The following NTSR1 variants were observed in gnomAD, a reference collection of about 807,000 sequenced individuals.
NTSR1 encodes the protein neurotensin receptor type 1.
In NTSR1, 29 loss-of-function variants were observed where a neutral mutation model predicts 31.2. The ratio of observed to expected loss-of-function variants is 0.93; its 90% CI spans 0.69 to 1.27. The LOEUF (loss-of-function observed/expected upper bound fraction) is 1.27, where lower values mean the gene tolerates loss of function less well. Ranked by LOEUF, NTSR1 falls within the 50% of genes most tolerant of loss-of-function variation. The pLI is 0.00. For synonymous variants in NTSR1, 282 were observed against 269.9 expected (o/e 1.04, Z -0.44); for missense variants, 697 against 595.4 (o/e 1.17, Z -1.78).
Position 62,754,805 on chromosome 20 carries a change from G to A in NTSR1, c.835G>A (p.Val279Ile), listed in dbSNP as rs772506905. 6.2e-7 allele frequency: 1 copy of A among 1,610,904 alleles called. No homozygotes were observed. Among genetic ancestry groups the A allele is most frequent in the Admixed American group, 1.7e-5 (1 of 59,988 alleles). The change falls in exon 2 of 4, where the codon GTC becomes ATC. Residue 279 changes from valine to isoleucine, a missense_variant. By Grantham distance (29) the Val-to-Ile change is conservative. Coordinates refer to ENST00000370501, the MANE Select transcript of NTSR1 (RefSeq NM_002531.3). Reference protein sequence around the residue: ...QAAEQGQVCTVGGEHSTFSMA... With the variant: ...QAAEQGQVCTIGGEHSTFSMA... ...GGCCGAGCAGGGCCAAGTGTGCACG[G>A]TCGGGGGCGAGCACAGCACATTCAG...
At chr20:62,756,604 T>G (rs1202106212) in intron 2 of NTSR1, 1 of 152,256 alleles carries the variant, frequency 6.6e-6, no homozygotes, top group East Asian at 1.9e-4. Context: ...CCTTCCCTGC[T>G]CATGGGAACC....
At chr20:62,740,780 T>G (rs1275698580) in intron 1 of NTSR1, among the ~76,000 whole-genome samples, 2 of 152,146 alleles carry the variant, frequency 1.3e-5, no homozygotes, top group Non-Finnish European at 2.9e-5. Flanking sequence ...TTTAAAGCCC[T>G]GTCGTGCTTC....
At chr20:62,727,553 G>A (rs528992332) in intron 1 of NTSR1, among the ~76,000 whole-genome samples, 2 of 152,330 alleles carry the variant, frequency 1.3e-5, no homozygotes, top group African/African-American at 2.4e-5. Flanking sequence ...GCTGTGGTAC[G>A]GCCGCTGGGC....
chr20:62,747,250 G>T (rs1394622798), intron 1 of NTSR1, among the ~76,000 whole-genome samples: 1 of 152,028 alleles, frequency 6.6e-6, no homozygotes, highest in Admixed American at 6.6e-5. Flanking sequence ...CACAATAAAG[G>T]CCACGTATGA....
intron 1 of NTSR1, among the ~76,000 whole-genome samples, chr20:62,713,112 C>T (rs1400223865): frequency 1.3e-5 from 2 of 152,222 alleles, no homozygotes; most frequent in East Asian, 1.9e-4. Context: ...CCCAGCCTCA[C>T]AGGCACGAGT....
At chr20:62,739,860 GGTGCGGGACGCATA>G (rs1271373404) in intron 1 of NTSR1, among the ~76,000 whole-genome samples, 1 of 152,250 alleles carries the variant, frequency 6.6e-6, no homozygotes, top group Non-Finnish European at 1.5e-5. Context: ...AGGCCGGCGG[GGTGCGGGACGCATA>G]TGCTGTCCCG....
intron 1 of NTSR1, among the ~76,000 whole-genome samples, chr20:62,731,247 G>C (rs145243223): frequency 0.012 from 1,869 of 152,182 alleles, 43 homozygotes; most frequent in African/African-American, 0.043. Context: ...ACCATGCCCA[G>C]CTAATTTTGT....
Position 62,708,839 on chromosome 20 carries a change from A to C in NTSR1, c.-369A>C. On this transcript the variant is annotated 5_prime_UTR_variant, in exon 1 of 4. Transcript: ENST00000370501. The surrounding 1 kb of genome is among the most constrained non-coding windows in gnomAD (Gnocchi z 5.9). Reference sequence around the variant, plus strand: ...TGCGTGCGCTCCTCCCGGCGCCACAAGCTCGCCCCGCGCAGCCCGAGCCGG... The same window carrying C: ...TGCGTGCGCTCCTCCCGGCGCCACACGCTCGCCCCGCGCAGCCCGAGCCGG... The C allele has an allele frequency of 4.6e-6, 1 of 217,712 alleles. No individual in the cohort carries two copies. Among genetic ancestry groups the C allele is most frequent in the East Asian group, 9.8e-5 (1 of 10,224 alleles). The allele number at this position is 217,712 out of a possible 1,614,324, so 13.5% of individuals were successfully genotyped here.
chr20:62,739,297 G>A (rs566725616), intron 1 of NTSR1, among the ~76,000 whole-genome samples: 2 of 152,360 alleles, frequency 1.3e-5, no homozygotes, highest in South Asian at 4.1e-4. Flanking sequence ...ACTCGGCACT[G>A]GATGGGGTGG....
At chr20:62,728,469 G>A (rs1177257679) in intron 1 of NTSR1, among the ~76,000 whole-genome samples, 1 of 152,178 alleles carries the variant, frequency 6.6e-6, no homozygotes, top group Admixed American at 6.5e-5. Context: ...TCCAGCACCA[G>A]CTTCATTCCC....
intron 3 of NTSR1, among the ~76,000 whole-genome samples, chr20:62,759,315 T>C (rs1989568689): frequency 6.6e-6 from 1 of 151,684 alleles, no homozygotes; most frequent in South Asian, 2.1e-4. Flanking sequence ...GAGGGCAAGG[T>C]GTGTGGCTGC....
chr20:62,759,714 G>A (rs1285742499), intron 3 of NTSR1, among the ~76,000 whole-genome samples: 1 of 150,348 alleles, frequency 6.7e-6, no homozygotes, highest in African/African-American at 2.4e-5. Flanking sequence ...GGTGGAGCTT[G>A]CAGTGAGCCG....
intron 1 of NTSR1, among the ~76,000 whole-genome samples, chr20:62,739,696 G>C (rs1290794107): frequency 2.0e-5 from 3 of 152,266 alleles, no homozygotes; most frequent in Non-Finnish European, 4.4e-5. Context: ...CCAGATGTCT[G>C]TGGGACACGG....
chr20:62,746,176 C>T (rs1036231741), intron 1 of NTSR1, among the ~76,000 whole-genome samples: 1 of 152,202 alleles, frequency 6.6e-6, no homozygotes, highest in Non-Finnish European at 1.5e-5. Flanking sequence ...ACTACCCCAG[C>T]CTGGCCGTCT....
At chr20:62,726,984 C>A (rs1300461951) in intron 1 of NTSR1, among the ~76,000 whole-genome samples, 1 of 152,230 alleles carries the variant, frequency 6.6e-6, no homozygotes, top group Non-Finnish European at 1.5e-5. Flanking sequence ...TTGTGGACAA[C>A]CGTGGCCTTG....
At chr20:62,730,992 T>C (rs1319403197) in intron 1 of NTSR1, among the ~76,000 whole-genome samples, 4 of 152,246 alleles carry the variant, frequency 2.6e-5, no homozygotes, top group Non-Finnish European at 5.9e-5. Context: ...TTATCAAGTA[T>C]TTTGCAAATA....
chr20:62,726,823 G>A (rs1233609429), intron 1 of NTSR1, among the ~76,000 whole-genome samples: 4 of 152,104 alleles, frequency 2.6e-5, no homozygotes, highest in South Asian at 2.1e-4. Flanking sequence ...CCCCGGCCGC[G>A]TTAGTGGAGA....
chr20:62,738,004 C>A (rs1386760833), intron 1 of NTSR1, among the ~76,000 whole-genome samples: 2 of 70,006 alleles, frequency 2.9e-5, no homozygotes, highest in African/African-American at 1.1e-4. Flanking sequence ...ACGCTGCATG[C>A]CCCCTGGTCC....
rs1989226896 is a variant in NTSR1 at position 62,742,769 on chromosome 20, T to C, written c.715-11916T>C. Among the ~76,000 whole-genome samples, 1 of 149,048 alleles carries C rather than the reference T, an allele frequency of 6.7e-6. No homozygotes were observed. Among genetic ancestry groups the C allele is most frequent in the African/African-American group, 2.5e-5 (1 of 39,794 alleles). ...GGGCTGTGTCACCTTAAAGACCCCT[T>C]TGCTCTCTTGGCCCTGGCACCCCAC... On this transcript the variant is annotated intron_variant, in intron 1 of 3. Coordinates refer to ENST00000370501, the MANE Select transcript of NTSR1 (RefSeq NM_002531.3). This position sits in a 1 kb window ranked among gnomAD's most constrained non-coding sequence, Gnocchi z 7.1.
Sources: allele counts gnomAD v4.1 joint callset (sites outside exome capture counted in the v4.1 genomes callset), GRCh38; gene constraint gnomAD v4.1.1; non-coding constraint Gnocchi (gnomAD v3.1); transcripts MANE v1.5; gene names NCBI Gene and HGNC (gene_info 2026-07-23, HGNC 2026-07-21).